The following CDH12 variants were observed in gnomAD, a reference collection of about 807,000 sequenced individuals.
CDH12 encodes the protein cadherin 12.
A neutral mutation model predicts 74.1 loss-of-function variants in CDH12; 41 were observed. The observed-to-expected ratio is 0.55, with a 90% CI of 0.43 to 0.72. The LOEUF is 0.72. Ranked by LOEUF, CDH12 falls within the 30% of genes least tolerant of loss-of-function variation. The pLI is 0.00. For synonymous variants in CDH12, 399 were observed against 355.0 expected (o/e 1.12, Z -1.39); for missense variants, 945 against 977.2 (o/e 0.97, Z 0.44).
chr5:22,529,165 GTA>G (rs375609140), intron 1 of CDH12, among the ~76,000 whole-genome samples: 1,502 of 75,602 alleles, frequency 0.02, 22 homozygotes, highest in South Asian at 0.052. Flanking sequence ...ATACACATGT[GTA>G]TATATATATA....
intron 11 of CDH12, among the ~76,000 whole-genome samples, chr5:21,771,829 T>C (rs1745339603): frequency 1.3e-5 from 2 of 152,172 alleles, no homozygotes; most frequent in African/African-American, 4.8e-5. Context: ...CAAATAAATA[T>C]ATTTTGGAGT....
intron 6 of CDH12, among the ~76,000 whole-genome samples, chr5:21,856,405 C>A (rs1028384056): frequency 6.6e-6 from 1 of 151,510 alleles, no homozygotes; most frequent in Non-Finnish European, 1.5e-5. Flanking sequence ...ATAAATATTA[C>A]AATTGAAAAA....
At chr5:22,849,070 A>G (rs2126538311) in intron 1 of CDH12, among the ~76,000 whole-genome samples, 1 of 152,166 alleles carries the variant, frequency 6.6e-6, no homozygotes, top group South Asian at 2.1e-4. Context: ...CCTGGACATT[A>G]CATATTTTCT....
In CDH12 at chr5:22,004,119, C is replaced by T. The variant is rs1049406392; in HGVS notation, c.232-28734G>A. On this transcript the variant is annotated intron_variant, in intron 5 of 14. Coordinates refer to ENST00000382254, the MANE Select transcript of CDH12 (RefSeq NM_004061.5). ...ATCAGTGAATGAGAATACAAATGTACGCATTAAACCTCAGTCCATTTCTCT... is the reference window on the plus strand; with the variant it reads ...ATCAGTGAATGAGAATACAAATGTATGCATTAAACCTCAGTCCATTTCTCT... 4.6e-5 allele frequency among the ~76,000 whole-genome samples: 7 copies of T among 152,250 alleles called. No individual in the cohort carries two copies. In the East Asian group the frequency reaches 7.7e-4, roughly 17 times the overall value.
chr5:22,327,859 G>T (rs552433449), intron 3 of CDH12, among the ~76,000 whole-genome samples: 28 of 152,142 alleles, frequency 1.8e-4, no homozygotes, highest in Admixed American at 3.3e-4. Context: ...AGAGGTCTTA[G>T]TAGTAAGTTC....
intron 1 of CDH12, among the ~76,000 whole-genome samples, chr5:22,844,451 AAAG>A (rs899291932): frequency 6.6e-5 from 10 of 152,112 alleles, no homozygotes; most frequent in Admixed American, 2.0e-4. Flanking sequence ...TTAAAAACTC[AAAG>A]ATCTGTTAAT....
At chr5:22,406,446 G>A (rs1742944190) in intron 2 of CDH12, among the ~76,000 whole-genome samples, 1 of 152,070 alleles carries the variant, frequency 6.6e-6, no homozygotes, top group African/African-American at 2.4e-5. Context: ...ACAGTTTACA[G>A]GAATATATTT....
At chr5:21,917,242 G>A (rs1266606573) in intron 6 of CDH12, among the ~76,000 whole-genome samples, 1 of 152,134 alleles carries the variant, frequency 6.6e-6, no homozygotes, top group Non-Finnish European at 1.5e-5. Flanking sequence ...GGCACCAATG[G>A]GCTCTGACCT....
At chr5:21,909,177 T>G (rs1466621170) in intron 6 of CDH12, among the ~76,000 whole-genome samples, 4 of 152,334 alleles carry the variant, frequency 2.6e-5, no homozygotes, top group African/African-American at 7.2e-5. Flanking sequence ...CAATGTCTTC[T>G]GTTCCTGTGT....
intron 1 of CDH12, among the ~76,000 whole-genome samples, chr5:22,560,610 A>T (rs1739004176): frequency 6.6e-6 from 1 of 152,164 alleles, no homozygotes; most frequent in African/African-American, 2.4e-5. Flanking sequence ...TATTTGCAAT[A>T]TTTAAAATTT....
chr5:22,692,363 C>A (rs1037004940), intron 1 of CDH12, among the ~76,000 whole-genome samples: 1 of 152,212 alleles, frequency 6.6e-6, no homozygotes, highest in South Asian at 2.1e-4. Flanking sequence ...ATGTACTAAC[C>A]CATGTGGCAT....
chr5:22,820,449 T>C (rs1749636323), intron 1 of CDH12, among the ~76,000 whole-genome samples: 1 of 151,992 alleles, frequency 6.6e-6, no homozygotes, highest in Admixed American at 6.6e-5. Context: ...AAATGGGAGC[T>C]GGTTTTTTGA....
At chr5:22,560,441 G>A (rs1426798391) in intron 1 of CDH12, among the ~76,000 whole-genome samples, 1 of 151,988 alleles carries the variant, frequency 6.6e-6, no homozygotes, top group Non-Finnish European at 1.5e-5. Context: ...CAGATAAGAG[G>A]TGCTTACTGT....
intron 3 of CDH12, among the ~76,000 whole-genome samples, chr5:22,283,980 T>C (rs1044476164): frequency 6.6e-6 from 1 of 152,148 alleles, no homozygotes; most frequent in Non-Finnish European, 1.5e-5. Flanking sequence ...TCAATATCCA[T>C]TATTCAAAAT....
intron 6 of CDH12, among the ~76,000 whole-genome samples, chr5:21,857,586 A>G (rs1010570365): frequency 4.6e-5 from 7 of 151,928 alleles, no homozygotes; most frequent in African/African-American, 1.2e-4. Context: ...GGGAATAAAT[A>G]TTTATAAAAC....
chr5:21,845,555 C>CTTTT (rs11437870), intron 7 of CDH12, among the ~76,000 whole-genome samples: 8 of 133,764 alleles, frequency 6.0e-5, no homozygotes, highest in South Asian at 4.9e-4. Flanking sequence ...CCACTTTAGT[C>CTTTT]TTTTTTTTTT....
Position 22,467,148 on chromosome 5 carries a change from C to T in CDH12, c.-428+38122G>A, listed in dbSNP as rs544046375. Reference sequence around the variant, plus strand: ...GAGAGTTCTGTGTTTGATCTTGATCCCCACAGATCCAGGCTGCCCCTAAGC... The same window carrying T: ...GAGAGTTCTGTGTTTGATCTTGATCTCCACAGATCCAGGCTGCCCCTAAGC... On this transcript the variant is annotated intron_variant, in intron 2 of 14. Coordinates refer to ENST00000382254, the MANE Select transcript of CDH12 (RefSeq NM_004061.5). Among the ~76,000 whole-genome samples, 16 of 152,128 alleles carry T rather than the reference C, an allele frequency of 1.1e-4. No individual in the cohort carries two copies. In the South Asian group the frequency reaches 3.1e-3, roughly 30 times the overall value.
intron 2 of CDH12, among the ~76,000 whole-genome samples, chr5:22,503,451 G>A (rs966518637): frequency 7.9e-5 from 12 of 152,074 alleles, no homozygotes; most frequent in African/African-American, 2.9e-4. Context: ...TATATTCATT[G>A]TTCTTGATTA....
chr5:22,226,456 A>G (rs923825668), intron 3 of CDH12, among the ~76,000 whole-genome samples: 1 of 151,816 alleles, frequency 6.6e-6, no homozygotes, highest in Non-Finnish European at 1.5e-5. Flanking sequence ...AGAACCAGAA[A>G]GTAACCTGGT....
Sources: gnomAD v4.1 joint callset for allele counts (sites outside exome capture counted in the v4.1 genomes callset) on GRCh38, gnomAD v4.1.1 for gene constraint, MANE v1.5 for transcripts, NCBI Gene and HGNC (gene_info 2026-07-23, HGNC 2026-07-21) for gene names.